CHST9: variants seen among roughly 807,000 people sequenced by gnomAD.
CHST9 encodes carbohydrate sulfotransferase 9, also known as GalNAc-4-sulfotransferase 2.
CHST9 carries 41 observed loss-of-function variants against 44.4 expected under a neutral mutation model. That is an observed-to-expected ratio of 0.92 (90% CI 0.72 to 1.20). The LOEUF is 1.20. Among genes scored for constraint, CHST9 ranks in the 50% most tolerant of loss-of-function variants. The probability of loss-of-function intolerance (pLI) is 0.00; values close to 1 mark genes in which losing one functional copy is unlikely to be tolerated. For synonymous variants in CHST9, 171 were observed against 178.4 expected (o/e 0.96, Z 0.33); for missense variants, 504 against 516.5 (o/e 0.98, Z 0.23).
intron 2 of CHST9, among the ~76,000 whole-genome samples, chr18:27,058,139 C>T (rs904493159): frequency 1.3e-5 from 2 of 152,144 alleles, no homozygotes; most frequent in African/African-American, 4.8e-5. Flanking sequence ...AATAGCTTTG[C>T]AAAATAGGAA....
chr18:26,987,569 A>T (rs774394147), intron 4 of CHST9, among the ~76,000 whole-genome samples: 17 of 152,206 alleles, frequency 1.1e-4, no homozygotes, highest in Non-Finnish European at 2.5e-4. Context: ...AATATATGAC[A>T]ACAACAGGGT....
At chr18:27,020,364 G>T (rs1205586395) in intron 4 of CHST9, among the ~76,000 whole-genome samples, 2 of 152,228 alleles carry the variant, frequency 1.3e-5, no homozygotes, top group African/African-American at 4.8e-5. Flanking sequence ...GAAGCAAGGT[G>T]CTTGGAAGTG....
chr18:27,007,460 T>C (rs1232487806), intron 4 of CHST9, among the ~76,000 whole-genome samples: 3 of 152,138 alleles, frequency 2.0e-5, no homozygotes, highest in Non-Finnish European at 2.9e-5. Context: ...AGGCAGGTGG[T>C]TACGTGGCTC....
chr18:26,920,032 AT>A (rs1233587464), intron 5 of CHST9, among the ~76,000 whole-genome samples: 1 of 151,970 alleles, frequency 6.6e-6, no homozygotes, highest in East Asian at 1.9e-4. Context: ...TCTTGTTGTC[AT>A]CTACCTTTAT....
At chr18:27,092,359 G>C (rs1290143741) in intron 2 of CHST9, among the ~76,000 whole-genome samples, 1 of 151,614 alleles carries the variant, frequency 6.6e-6, no homozygotes, top group African/African-American at 2.4e-5. Flanking sequence ...TCTTGCTAGT[G>C]GTCTACCAAT....
chr18:27,007,063 G>A (rs1441293291), intron 4 of CHST9, among the ~76,000 whole-genome samples: 2 of 152,106 alleles, frequency 1.3e-5, no homozygotes, highest in African/African-American at 4.8e-5. Flanking sequence ...TTCAACAGGC[G>A]CAATCCCCAC....
In CHST9 at chr18:26,922,885, C is replaced by G. The variant is rs532422854; in HGVS notation, c.241-5535G>C. Among the ~76,000 whole-genome samples, 272 of 152,306 alleles carry G rather than the reference C, an allele frequency of 1.8e-3. 2 individuals are homozygous for G. The highest frequency in any genetic ancestry group is 6.4e-3 in the African/African-American group (267 of 41,564). On this transcript the variant is annotated intron_variant, in intron 5 of 5. Transcript: ENST00000618847. Reference sequence around the variant, plus strand: ...TCCTGACCTCAGGTGATCCAGCCGCCTCGGCCTCCCAAACTGCTGGGATTA... The same window carrying G: ...TCCTGACCTCAGGTGATCCAGCCGCGTCGGCCTCCCAAACTGCTGGGATTA...
chr18:26,940,813 C>A (rs906931945), intron 5 of CHST9, among the ~76,000 whole-genome samples: 3 of 152,186 alleles, frequency 2.0e-5, no homozygotes, highest in African/African-American at 7.2e-5. Context: ...ATAATAGGGT[C>A]TTTGCAACTG....
chr18:27,129,197 GA>G (rs1425527609), intron 2 of CHST9, among the ~76,000 whole-genome samples: 3 of 152,080 alleles, frequency 2.0e-5, no homozygotes. Context: ...GTGACTTAGG[GA>G]AAAATAACAG....
chr18:27,048,116 T>C (rs763719076), intron 3 of CHST9, among the ~76,000 whole-genome samples: 65 of 152,276 alleles, frequency 4.3e-4, no homozygotes, highest in Non-Finnish European at 2.2e-4. Context: ...AAAATTGAGA[T>C]TCATAGTCAT....
intron 2 of CHST9, among the ~76,000 whole-genome samples, chr18:27,090,732 G>A (rs1052087410): frequency 2.0e-5 from 3 of 152,008 alleles, no homozygotes; most frequent in Non-Finnish European, 4.4e-5. Context: ...TTTTTGTCAG[G>A]TTTGTCAAAG....
chr18:27,063,339 T>C (rs536749636), intron 2 of CHST9, among the ~76,000 whole-genome samples: 34 of 152,310 alleles, frequency 2.2e-4, no homozygotes, highest in African/African-American at 7.9e-4. Context: ...ATTTAAACTA[T>C]CCTTTTGATT....
chr18:26,975,701 G>GCAAAATTCATGGAGTCATTCT (rs1568117278), intron 4 of CHST9, among the ~76,000 whole-genome samples: 1 of 87,028 alleles, frequency 1.1e-5, no homozygotes, highest in East Asian at 3.9e-4. Context: ...GTATATATAT[G>GCAAAATTCATGGAGTCATTCT]TGTATATATG....
intron 1 of CHST9, among the ~76,000 whole-genome samples, chr18:27,171,132 T>C (rs1009940624): frequency 6.6e-6 from 1 of 152,186 alleles, no homozygotes; most frequent in African/African-American, 2.4e-5. Context: ...TGAAATAAAC[T>C]TGGTGACAGA....
intron 3 of CHST9, among the ~76,000 whole-genome samples, chr18:27,024,799 C>T (rs577803720): frequency 8.0e-4 from 121 of 152,184 alleles, no homozygotes; most frequent in African/African-American, 2.8e-3. Context: ...TAGTAAACAG[C>T]TATAAGAAAG....
At chr18:27,085,661 A>G (rs1411181942) in intron 2 of CHST9, among the ~76,000 whole-genome samples, 2 of 152,178 alleles carry the variant, frequency 1.3e-5, no homozygotes, top group African/African-American at 2.4e-5. Context: ...ACATTTATAC[A>G]TTCCTGGTAG....
In CHST9 at chr18:26,916,155, G is replaced by T; in HGVS notation, c.*104C>A. ...AAATCTACATTAAATCAAGACAACT[G>T]CACTTGGTTAAATTTCTGTCATACA... On this transcript the variant is annotated 3_prime_UTR_variant, in exon 6 of 6. Transcript: ENST00000618847. The T allele has an allele frequency of 1.1e-6, 1 of 928,064 alleles. No homozygotes were observed. Among genetic ancestry groups the T allele is most frequent in the Non-Finnish European group, 1.6e-6 (1 of 613,362 alleles). The allele number at this position is 928,064 out of a possible 1,614,324, so 57.5% of individuals were successfully genotyped here.
intron 4 of CHST9, among the ~76,000 whole-genome samples, chr18:27,018,241 T>C (rs1175866175): frequency 6.6e-6 from 1 of 152,184 alleles, no homozygotes; most frequent in Non-Finnish European, 1.5e-5. Flanking sequence ...GAGAAAAAGA[T>C]TGAAAACCTT....
chr18:27,067,725 AT>A (rs1043015675), intron 2 of CHST9, among the ~76,000 whole-genome samples: 41 of 152,208 alleles, frequency 2.7e-4, no homozygotes, highest in African/African-American at 9.6e-4. Context: ...AACCTAATAT[AT>A]TGAGATTGAC....
Sources: gnomAD v4.1 joint callset for allele counts (sites outside exome capture counted in the v4.1 genomes callset) on GRCh38, gnomAD v4.1.1 for gene constraint, MANE v1.5 for transcripts, NCBI Gene and HGNC (gene_info 2026-07-23, HGNC 2026-07-21) for gene names.